Variants in CNTNAP2 observed in about 807,000 individuals in gnomAD.
The protein encoded by CNTNAP2 is contactin-associated protein-like 2.
A neutral mutation model predicts 155.2 loss-of-function variants in CNTNAP2; 98 were observed. That is an observed-to-expected ratio of 0.63 (90% confidence interval 0.54 to 0.75). The LOEUF (loss-of-function observed/expected upper bound fraction) is 0.75, where lower values mean the gene tolerates loss of function less well. Among genes scored for constraint, CNTNAP2 ranks in the 30% least tolerant of loss-of-function variants. The probability of loss-of-function intolerance (pLI) is 0.00; values close to 1 mark genes in which losing one functional copy is unlikely to be tolerated. For missense variants in CNTNAP2, 1,727 were observed against 1,688.1 expected, an observed-to-expected ratio of 1.02 and a Z score of -0.40; for synonymous variants, 651 against 631.2, an observed-to-expected ratio of 1.03 and a Z score of -0.47.
intron 14 of CNTNAP2, among the ~76,000 whole-genome samples, chr7:147,943,966 A>G (rs759997117): frequency 2.0e-5 from 3 of 152,094 alleles, no homozygotes; most frequent in Admixed American, 6.6e-5. Context: ...TAGCATCTCC[A>G]TCGTTCAACT....
chr7:147,918,773 C>T (rs781347704), intron 14 of CNTNAP2, among the ~76,000 whole-genome samples: 15 of 152,132 alleles, frequency 9.9e-5, no homozygotes, highest in Non-Finnish European at 1.3e-4. Flanking sequence ...CCATCTGTGA[C>T]GATATTTACC....
chr7:146,175,512 A>T (rs1798457473), intron 1 of CNTNAP2, among the ~76,000 whole-genome samples: 1 of 152,180 alleles, frequency 6.6e-6, no homozygotes, highest in Non-Finnish European at 1.5e-5. Context: ...GCAAAGATGT[A>T]TTACATGAAC....
chr7:147,737,994 G>A (rs1378809795), intron 13 of CNTNAP2, among the ~76,000 whole-genome samples: 9 of 152,154 alleles, frequency 5.9e-5, no homozygotes, highest in South Asian at 4.1e-4. Context: ...GCCCTGCTTC[G>A]GCTCATGCTC....
intron 13 of CNTNAP2, among the ~76,000 whole-genome samples, chr7:147,784,213 T>C (rs2116560461): frequency 6.6e-6 from 1 of 151,832 alleles, no homozygotes; most frequent in East Asian, 1.9e-4. Context: ...TGACCTGATT[T>C]CCAAACAAGG....
intron 21 of CNTNAP2, among the ~76,000 whole-genome samples, chr7:148,300,765 C>G (rs180964184): frequency 1.9e-3 from 282 of 152,166 alleles, no homozygotes; most frequent in African/African-American, 6.6e-3. Flanking sequence ...AAGCCAGTTA[C>G]AAAAGGACAA....
intron 3 of CNTNAP2, among the ~76,000 whole-genome samples, chr7:146,974,539 G>C (rs1403621210): frequency 6.6e-6 from 1 of 152,170 alleles, no homozygotes; most frequent in Non-Finnish European, 1.5e-5. Flanking sequence ...GTTATGTAAA[G>C]TCAAAATTAT....
intron 1 of CNTNAP2, among the ~76,000 whole-genome samples, chr7:146,257,346 T>C (rs1001306304): frequency 6.6e-6 from 1 of 152,214 alleles, no homozygotes; most frequent in Non-Finnish European, 1.5e-5. Context: ...CATCTCTGCC[T>C]CTTTTTCTTA....
At chr7:148,240,178 T>C (rs1796119648) in intron 20 of CNTNAP2, among the ~76,000 whole-genome samples, 1 of 152,168 alleles carries the variant, frequency 6.6e-6, no homozygotes, top group Admixed American at 6.5e-5. Flanking sequence ...GTATCTACAA[T>C]ATAAAAGAAA....
chr7:147,758,800 G>C (rs1347703100), intron 13 of CNTNAP2, among the ~76,000 whole-genome samples: 2 of 152,122 alleles, frequency 1.3e-5, no homozygotes, highest in Non-Finnish European at 2.9e-5. Flanking sequence ...AGCCCAGATT[G>C]CTCCACTGTA....
chr7:146,138,933 G>T (rs1422826115), intron 1 of CNTNAP2, among the ~76,000 whole-genome samples: 3 of 151,982 alleles, frequency 2.0e-5, no homozygotes, highest in African/African-American at 7.3e-5. Flanking sequence ...TTTGCAATTG[G>T]GTCCCTATAA....
intron 15 of CNTNAP2, among the ~76,000 whole-genome samples, chr7:148,045,162 G>A (rs890982004): frequency 3.3e-5 from 5 of 152,144 alleles, no homozygotes; most frequent in Non-Finnish European, 7.3e-5. Context: ...AGCAGAGAGG[G>A]CAGCCTGCCT....
intron 15 of CNTNAP2, among the ~76,000 whole-genome samples, chr7:147,983,965 C>T (rs1801575555): frequency 6.6e-6 from 1 of 152,116 alleles, no homozygotes; most frequent in South Asian, 2.1e-4. Flanking sequence ...AGAGATTATT[C>T]ATAGATGTGA....
rs560356437 is a variant in CNTNAP2, at chr7:148,093,800, A to G, written c.2384-24318A>G. ...TTTTTCTTTCTTTCTTTTGAGAGAG[A>G]GTCTCACTCTGTCACCCAGGCTGGG... On this transcript the variant is annotated intron_variant, in intron 15 of 23. Coordinates refer to ENST00000361727, the MANE Select transcript of CNTNAP2 (RefSeq NM_014141.6). Among the ~76,000 whole-genome samples the G allele has an allele frequency of 8.7e-4, 132 of 152,208 alleles. 1 individual carries two copies. Among genetic ancestry groups the G allele is most frequent in the African/African-American group, 3.1e-3 (127 of 41,520 alleles).
In CNTNAP2 at chr7:146,278,211, T is replaced by G. The variant is rs547581502; in HGVS notation, c.97+161238T>G. On this transcript the variant is annotated intron_variant, in intron 1 of 23. Transcript: ENST00000361727. ...CAAAGTTACTAACTCAAGATATATT[T>G]GAGATTTTTCCATTTTGCCCCTTCT... Among the ~76,000 whole-genome samples, 4 of 152,312 alleles carry G rather than the reference T, an allele frequency of 2.6e-5. No homozygotes were observed. In the East Asian group the frequency reaches 7.7e-4, roughly 29 times the overall value.
At chr7:147,073,758 G>C (rs1179178322) in intron 4 of CNTNAP2, among the ~76,000 whole-genome samples, 1 of 152,200 alleles carries the variant, frequency 6.6e-6, no homozygotes, top group Non-Finnish European at 1.5e-5. Flanking sequence ...GATCATGCAA[G>C]ATGAGGACTA....
At chr7:147,814,162 TAC>T (rs1798229765) in intron 13 of CNTNAP2, among the ~76,000 whole-genome samples, 1 of 152,230 alleles carries the variant, frequency 6.6e-6, no homozygotes, top group Non-Finnish European at 1.5e-5. Flanking sequence ...ACAGGTGAAA[TAC>T]CATTCTAGTT....
chr7:146,922,963 A>G lies in CNTNAP2; in HGVS notation c.402+83059A>G, dbSNP rs145366697. Among the ~76,000 whole-genome samples, 250 of 152,326 alleles carry G rather than the reference A, an allele frequency of 1.6e-3. 1 individual carries two copies. Among genetic ancestry groups the G allele is most frequent in the African/African-American group, 5.7e-3 (238 of 41,584 alleles). On this transcript the variant is annotated intron_variant, in intron 3 of 23. Coordinates refer to ENST00000361727, the MANE Select transcript of CNTNAP2 (RefSeq NM_014141.6). ...ACTAGAGTAAAGACCACAGGAATGC[A>G]TGCTTGACAACATAAGGGAAAAATG...
intron 14 of CNTNAP2, among the ~76,000 whole-genome samples, chr7:147,913,654 T>C (rs111815367): frequency 0.016 from 2,373 of 152,364 alleles, 63 homozygotes; most frequent in African/African-American, 0.052. Context: ...CAGAAGGTAC[T>C]GCACGATGGC....
chr7:147,546,750 AG>A (rs1448510187), intron 11 of CNTNAP2, among the ~76,000 whole-genome samples: 8 of 152,344 alleles, frequency 5.3e-5, no homozygotes, highest in Admixed American at 3.3e-4. Flanking sequence ...TTTCAGTCCC[AG>A]GGCAGCTCCC....
Sources: allele counts gnomAD v4.1 joint callset (sites outside exome capture counted in the v4.1 genomes callset), GRCh38; gene constraint gnomAD v4.1.1; transcripts MANE v1.5; gene names NCBI Gene and HGNC (gene_info 2026-07-23, HGNC 2026-07-21).